Variants in CSMD1 observed in about 807,000 individuals in gnomAD.
CSMD1 encodes CUB and sushi domain-containing protein 1.
CSMD1 carries 213 observed loss-of-function variants against 417.5 expected under a neutral mutation model. The observed-to-expected ratio is 0.51, with a 90% CI of 0.46 to 0.57. The LOEUF (loss-of-function observed/expected upper bound fraction) is 0.57, where lower values mean the gene tolerates loss of function less well. Among genes scored for constraint, CSMD1 ranks in the 20% least tolerant of loss-of-function variants. The pLI, the probability that CSMD1 is intolerant of heterozygous loss-of-function variation, is 0.00. For synonymous variants in CSMD1, 2,862 were observed against 1,736.8 expected, an observed-to-expected ratio of 1.65 and a Z score of -16.11; for missense variants, 6,923 against 4,529.7, an observed-to-expected ratio of 1.53 and a Z score of -15.17.
chr8:4,477,087 G>C (rs968760736), intron 2 of CSMD1, among the ~76,000 whole-genome samples: 1 of 152,204 alleles, frequency 6.6e-6, no homozygotes, highest in Non-Finnish European at 1.5e-5. Context: ...GGGAAGAGCA[G>C]GTGTGAGCAC....
chr8:4,958,448 T>C (rs1391988453), intron 1 of CSMD1, among the ~76,000 whole-genome samples: 1 of 152,200 alleles, frequency 6.6e-6, no homozygotes, highest in African/African-American at 2.4e-5. Context: ...AGGTTAAAAG[T>C]ATTAACAGAA....
intron 33 of CSMD1, among the ~76,000 whole-genome samples, chr8:3,196,817 C>CCTGGGAGAG (rs1796730089): frequency 6.6e-6 from 1 of 152,138 alleles, no homozygotes; most frequent in Non-Finnish European, 1.5e-5. Flanking sequence ...GAGTTTCATT[C>CCTGGGAGAG]CTGGGAGAGT....
intron 4 of CSMD1, among the ~76,000 whole-genome samples, chr8:4,031,649 T>C (rs960024326): frequency 6.6e-6 from 1 of 151,916 alleles, no homozygotes; most frequent in Non-Finnish European, 1.5e-5. Flanking sequence ...GTATAACATG[T>C]AATATTATAT....
chr8:4,887,760 A>G (rs547936782), intron 1 of CSMD1, among the ~76,000 whole-genome samples: 2 of 151,782 alleles, frequency 1.3e-5, no homozygotes, highest in East Asian at 3.9e-4. Flanking sequence ...TGAGTTGACA[A>G]TTTTATCATT....
intron 5 of CSMD1, among the ~76,000 whole-genome samples, chr8:3,941,596 T>G (rs1422753305): frequency 2.0e-5 from 3 of 152,150 alleles, no homozygotes; most frequent in South Asian, 2.1e-4. Flanking sequence ...CTATTAATAA[T>G]AAGCATATGG....
chr8:4,949,490 A>T (rs1808591502), intron 1 of CSMD1, among the ~76,000 whole-genome samples: 1 of 152,196 alleles, frequency 6.6e-6, no homozygotes, highest in African/African-American at 2.4e-5. Context: ...AGTAGTTCTC[A>T]ACCAGGGGCA....
intron 12 of CSMD1, among the ~76,000 whole-genome samples, chr8:3,427,668 T>A (rs1813941960): frequency 6.6e-6 from 1 of 152,226 alleles, no homozygotes; most frequent in Non-Finnish European, 1.5e-5. Flanking sequence ...ATTAAACTTC[T>A]GTTAACTCAC....
At chr8:3,152,897 T>C (rs1409857569) in intron 39 of CSMD1, among the ~76,000 whole-genome samples, 1 of 152,214 alleles carries the variant, frequency 6.6e-6, no homozygotes, top group Non-Finnish European at 1.5e-5. Context: ...AGTAACACCC[T>C]TTCCCTTAGG....
chr8:4,503,326 T>C (rs1802355019), intron 2 of CSMD1, among the ~76,000 whole-genome samples: 1 of 152,138 alleles, frequency 6.6e-6, no homozygotes, highest in Non-Finnish European at 1.5e-5. Context: ...CAATAACTAT[T>C]GAGTGACTAC....
intron 10 of CSMD1, among the ~76,000 whole-genome samples, chr8:3,533,988 T>A (rs1798087150): frequency 6.6e-6 from 1 of 152,150 alleles, no homozygotes; most frequent in Non-Finnish European, 1.5e-5. Flanking sequence ...TTTGGCAATA[T>A]TTATATTTTA....
intron 1 of CSMD1, among the ~76,000 whole-genome samples, chr8:4,637,939 G>C (rs1222229033): frequency 6.6e-6 from 1 of 151,904 alleles, no homozygotes; most frequent in African/African-American, 2.4e-5. Context: ...CAAAGTGCTG[G>C]GATTACAGGC....
intron 1 of CSMD1, among the ~76,000 whole-genome samples, chr8:4,652,129 A>G (rs548678593): frequency 6.6e-6 from 1 of 152,320 alleles, no homozygotes; most frequent in South Asian, 2.1e-4. Flanking sequence ...GGAGATTAGG[A>G]GAGGCAGAGG....
intron 10 of CSMD1, among the ~76,000 whole-genome samples, chr8:3,531,011 C>T (rs1014104936): frequency 6.7e-6 from 1 of 149,002 alleles, no homozygotes; most frequent in African/African-American, 2.5e-5. Flanking sequence ...CACCACCATG[C>T]CCAGCTAATT....
intron 1 of CSMD1, chr8:4,787,775 T>G: frequency 6.3e-7 from 1 of 1,578,172 alleles, no homozygotes; most frequent in Non-Finnish European, 8.7e-7. Flanking sequence ...TTCGCTGGAC[T>G]TGTTACAGGC....
intron 5 of CSMD1, among the ~76,000 whole-genome samples, chr8:3,992,330 G>A (rs915115304): frequency 1.3e-5 from 2 of 152,078 alleles, no homozygotes; most frequent in Non-Finnish European, 1.5e-5. Flanking sequence ...GAACTCTGGG[G>A]TGACAGTTTT....
chr8:4,067,661 G>T (rs1301216872), intron 3 of CSMD1, among the ~76,000 whole-genome samples: 1 of 152,086 alleles, frequency 6.6e-6, no homozygotes, highest in Non-Finnish European at 1.5e-5. Flanking sequence ...AGAATAAAAT[G>T]CAGTCTCACC....
chr8:4,254,187 G>A (rs943776834), intron 3 of CSMD1, among the ~76,000 whole-genome samples: 16 of 152,040 alleles, frequency 1.1e-4, no homozygotes, highest in Admixed American at 5.2e-4. Flanking sequence ...AAAGTGATGG[G>A]ACTGCAGGTG....
chr8:3,795,077 GTACAGCTATAGATATATAT>G (rs1799972687), intron 5 of CSMD1, among the ~76,000 whole-genome samples: 1 of 146,728 alleles, frequency 6.8e-6, no homozygotes, highest in Non-Finnish European at 1.5e-5. Flanking sequence ...TATCTATCAT[GTACAGCTATAGATATATAT>G]CTATCATGTA....
chr8:3,249,047 C>T (rs1373165051), intron 26 of CSMD1, among the ~76,000 whole-genome samples: 1 of 152,130 alleles, frequency 6.6e-6, no homozygotes, highest in East Asian at 1.9e-4. Flanking sequence ...CAAGTAGCTT[C>T]ACAGTGTGCA....
Sources: gnomAD v4.1 joint callset for allele counts (sites outside exome capture counted in the v4.1 genomes callset) on GRCh38, gnomAD v4.1.1 for gene constraint, MANE v1.5 for transcripts, NCBI Gene and HGNC (gene_info 2026-07-23, HGNC 2026-07-21) for gene names.